Variants in CNTN3 observed in about 807,000 individuals in gnomAD.
The protein encoded by CNTN3 is contactin-3.
Under a neutral mutation model 119.1 loss-of-function variants are expected in CNTN3, and 60 were observed. The ratio of observed to expected loss-of-function variants is 0.50; its 90% confidence interval spans 0.41 to 0.62. CNTN3 has a LOEUF of 0.62. Ranked by LOEUF, CNTN3 falls within the 20% of genes least tolerant of loss-of-function variation. The pLI is 0.00. For missense variants in CNTN3, 1,101 were observed against 1,242.4 expected, an observed-to-expected ratio of 0.89 and a Z score of 1.71; for synonymous variants, 450 against 438.7, an observed-to-expected ratio of 1.03 and a Z score of -0.32.
At chr3:74,388,271 TTTA>T (rs1412977307) in intron 5 of CNTN3, among the ~76,000 whole-genome samples, 1 of 152,138 alleles carries the variant, frequency 6.6e-6, no homozygotes, top group Non-Finnish European at 1.5e-5. Context: ...ACTGTAAATA[TTTA>T]TTGAGAATCT....
chr3:74,348,335 T>C (rs1286502285), intron 11 of CNTN3, among the ~76,000 whole-genome samples: 2 of 152,200 alleles, frequency 1.3e-5, no homozygotes, highest in Non-Finnish European at 2.9e-5. Flanking sequence ...ACTTGTCAAG[T>C]ATACCTTACT....
intron 5 of CNTN3, 109 bp downstream of exon 5, chr3:74,424,736 G>C: frequency 1.1e-6 from 1 of 890,600 alleles, no homozygotes; most frequent in Admixed American, 2.1e-5. Context: ...CTAATGCTCA[G>C]GTTATCAAGT....
intron 5 of CNTN3, among the ~76,000 whole-genome samples, chr3:74,395,365 A>G (rs1705020590): frequency 7.4e-6 from 1 of 134,810 alleles, no homozygotes; most frequent in Non-Finnish European, 1.7e-5. Context: ...TTATATCTTT[A>G]TACACACACA....
intron 1 of CNTN3, among the ~76,000 whole-genome samples, chr3:74,570,781 G>T (rs187011112): frequency 2.6e-5 from 4 of 152,066 alleles, no homozygotes; most frequent in Non-Finnish European, 4.4e-5. Context: ...ATTCTCTGAC[G>T]TATCACTTAG....
rs74551591 is a variant in CNTN3 at position 74,531,333 on chromosome 3, C to G, written c.-80-10141G>C. ...GGAGCTAAGAGAAGAACTCCCATAACAGGCAGGAAAGACTAGAAAGCTGAC... is the reference window on the plus strand; with the variant it reads ...GGAGCTAAGAGAAGAACTCCCATAAGAGGCAGGAAAGACTAGAAAGCTGAC... On this transcript the variant is annotated intron_variant, in intron 1 of 22. Coordinates refer to ENST00000263665, the MANE Select transcript of CNTN3 (RefSeq NM_020872.3). Among the ~76,000 whole-genome samples the G allele has an allele frequency of 5.7e-3, 868 of 152,026 alleles. 5 individuals are homozygous for G. The highest frequency in any genetic ancestry group is 9.0e-3 in the Non-Finnish European group (614 of 67,906).
intron 3 of CNTN3, among the ~76,000 whole-genome samples, chr3:74,489,029 T>C (rs1429550077): frequency 6.6e-6 from 1 of 152,168 alleles, no homozygotes; most frequent in Non-Finnish European, 1.5e-5. Context: ...CCTTCTTTCA[T>C]CTTATTCCAT....
intron 20 of CNTN3, among the ~76,000 whole-genome samples, chr3:74,273,787 T>C (rs1575690199): frequency 6.6e-6 from 1 of 152,282 alleles, no homozygotes; most frequent in South Asian, 2.1e-4. Context: ...TGTAACTATT[T>C]TAACTGGTTG....
At chr3:74,355,045 C>T (rs1703904788) in intron 11 of CNTN3, among the ~76,000 whole-genome samples, 1 of 152,106 alleles carries the variant, frequency 6.6e-6, no homozygotes, top group Non-Finnish European at 1.5e-5. Flanking sequence ...CTCCTAAGTT[C>T]CAGATTCAGT....
At chr3:74,299,558 T>C (rs1295876860) in intron 17 of CNTN3, among the ~76,000 whole-genome samples, 2 of 152,208 alleles carry the variant, frequency 1.3e-5, no homozygotes, top group East Asian at 1.9e-4. Flanking sequence ...TATCTGAGCC[T>C]GAGTATTTTC....
chr3:74,556,619 T>C (rs561307688), intron 1 of CNTN3, among the ~76,000 whole-genome samples: 13 of 152,284 alleles, frequency 8.5e-5, no homozygotes, highest in South Asian at 6.2e-4. Flanking sequence ...AGTTTTTGCA[T>C]GGATGTATGT....
intron 1 of CNTN3, among the ~76,000 whole-genome samples, chr3:74,596,418 G>A (rs560274654): frequency 1.3e-5 from 2 of 152,158 alleles, no homozygotes; most frequent in Admixed American, 6.6e-5. Flanking sequence ...GAGGCCTCAC[G>A]CTACCTGACT....
chr3:74,410,568 T>G (rs1165348058), intron 5 of CNTN3, among the ~76,000 whole-genome samples: 1 of 152,158 alleles, frequency 6.6e-6, no homozygotes, highest in East Asian at 1.9e-4. Flanking sequence ...AAAGATTGCT[T>G]TAAGTCTACA....
chr3:74,583,340 G>A (rs1704544483), intron 1 of CNTN3, among the ~76,000 whole-genome samples: 1 of 151,732 alleles, frequency 6.6e-6, no homozygotes, highest in South Asian at 2.1e-4. Flanking sequence ...AGGAATAAAC[G>A]ATTTATGATC....
rs560678841 is a variant in CNTN3, at chr3:74,602,683, G to C, written c.-81+11708C>G. 1.5e-4 allele frequency among the ~76,000 whole-genome samples: 23 copies of C among 152,170 alleles called. No homozygotes were observed. The South Asian group carries it at 3.7e-3, about 25-fold the overall frequency. On this transcript the variant is annotated intron_variant, in intron 1 of 22. Coordinates refer to ENST00000263665, the MANE Select transcript of CNTN3 (RefSeq NM_020872.3). Reference sequence around the variant, plus strand: ...GTACATGTGACTAAGAGTATATTTTGTGTGTATGAGATCAAGAGAGGTAGA... The same window carrying C: ...GTACATGTGACTAAGAGTATATTTTCTGTGTATGAGATCAAGAGAGGTAGA...
At chr3:74,538,521 A>G (rs1703797198) in intron 1 of CNTN3, among the ~76,000 whole-genome samples, 1 of 152,136 alleles carries the variant, frequency 6.6e-6, no homozygotes, top group Admixed American at 6.5e-5. Context: ...AAGGAACAAC[A>G]AAAAGGATGG....
chr3:74,599,492 G>GAAACTGCTCC (rs1474117496), intron 1 of CNTN3, among the ~76,000 whole-genome samples: 1 of 152,058 alleles, frequency 6.6e-6, no homozygotes, highest in Admixed American at 6.5e-5. Context: ...GTTTGGAGAT[G>GAAACTGCTCC]AAACTGCTCC....
chr3:74,319,799 T>A, intron 13 of CNTN3, among the ~76,000 whole-genome samples: 1 of 147,292 alleles, frequency 6.8e-6, no homozygotes. Context: ...GAATCTACAA[T>A]GAACTCAAAC....
intron 4 of CNTN3, among the ~76,000 whole-genome samples, chr3:74,478,086 G>A (rs1313515379): frequency 6.6e-6 from 1 of 152,094 alleles, no homozygotes; most frequent in African/African-American, 2.4e-5. Flanking sequence ...CACAAAGACA[G>A]GACAATAGAA....
intron 13 of CNTN3, among the ~76,000 whole-genome samples, chr3:74,318,755 A>C (rs2106663725): frequency 6.6e-6 from 1 of 152,272 alleles, no homozygotes; most frequent in South Asian, 2.1e-4. Context: ...GTGAGGTGTC[A>C]GTCTGCCCCT....
Sources: gnomAD v4.1 joint callset for allele counts (sites outside exome capture counted in the v4.1 genomes callset) on GRCh38, gnomAD v4.1.1 for gene constraint, MANE v1.5 for transcripts, NCBI Gene and HGNC (gene_info 2026-07-23, HGNC 2026-07-21) for gene names.